EPHA6: variants seen among roughly 807,000 people sequenced by gnomAD.
EPHA6 encodes the protein ephrin type-A receptor 6.
EPHA6 carries 50 observed loss-of-function variants against 112.0 expected under a neutral mutation model. The ratio of observed to expected loss-of-function variants is 0.45; its 90% CI spans 0.36 to 0.56. The LOEUF (loss-of-function observed/expected upper bound fraction) is 0.56, where lower values mean the gene tolerates loss of function less well. Ranked by LOEUF, EPHA6 falls within the 20% of genes least tolerant of loss-of-function variation. The probability of loss-of-function intolerance (pLI) is 0.00; values close to 1 mark genes in which losing one functional copy is unlikely to be tolerated. For synonymous variants in EPHA6, 529 were observed against 490.7 expected (o/e 1.08, Z -1.03); for missense variants, 1,280 against 1,417.4 (o/e 0.90, Z 1.56).
intron 6 of EPHA6, among the ~76,000 whole-genome samples, chr3:97,441,962 A>G (rs1348814556): frequency 6.6e-6 from 1 of 152,170 alleles, no homozygotes; most frequent in Non-Finnish European, 1.5e-5. Context: ...TAAGTTTTGT[A>G]AGATAATTAA....
chr3:97,125,692 A>G (rs1277579653), intron 3 of EPHA6, among the ~76,000 whole-genome samples: 2 of 152,186 alleles, frequency 1.3e-5, no homozygotes, highest in Non-Finnish European at 2.9e-5. Flanking sequence ...TATTATGTGG[A>G]TAAATAAATG....
At chr3:97,036,951 C>T (rs1220489182) in intron 3 of EPHA6, among the ~76,000 whole-genome samples, 1 of 151,798 alleles carries the variant, frequency 6.6e-6, no homozygotes, top group African/African-American at 2.4e-5. Context: ...CTCGCCGACC[C>T]CTGGAGAATT....
chr3:96,850,057 G>T (rs528393855), intron 1 of EPHA6, among the ~76,000 whole-genome samples: 1 of 152,190 alleles, frequency 6.6e-6, no homozygotes, highest in African/African-American at 2.4e-5. Flanking sequence ...TTCCTGTATA[G>T]CTCATAGTTA....
chr3:97,116,160 C>G (rs1402589737), intron 3 of EPHA6, among the ~76,000 whole-genome samples: 4 of 151,668 alleles, frequency 2.6e-5, no homozygotes. Flanking sequence ...CTGGCTAATC[C>G]TAAATATTTT....
At chr3:97,503,727 A>G (rs1167855691) in intron 10 of EPHA6, among the ~76,000 whole-genome samples, 9 of 152,214 alleles carry the variant, frequency 5.9e-5, no homozygotes, top group Non-Finnish European at 8.8e-5. Context: ...TGATGGCATT[A>G]ATGACTGTCC....
At chr3:97,345,896 T>G (rs1285127463) in intron 5 of EPHA6, among the ~76,000 whole-genome samples, 2 of 152,116 alleles carry the variant, frequency 1.3e-5, no homozygotes, top group Non-Finnish European at 2.9e-5. Context: ...ATTCATAGAT[T>G]TTATTGCTGC....
At chr3:97,010,033 G>T in intron 3 of EPHA6, 1 of 1,283,342 alleles carries the variant, frequency 7.8e-7, no homozygotes. Flanking sequence ...CTTCTAGTTG[G>T]CCATCTTGGC....
At chr3:96,960,894 A>G (rs1457788855) in intron 2 of EPHA6, among the ~76,000 whole-genome samples, 1 of 152,162 alleles carries the variant, frequency 6.6e-6, no homozygotes, top group African/African-American at 2.4e-5. Context: ...TGTTTTACCT[A>G]CCTTCTATCC....
chr3:97,289,028 C>T (rs989003933), intron 5 of EPHA6, among the ~76,000 whole-genome samples: 2 of 144,382 alleles, frequency 1.4e-5, no homozygotes, highest in South Asian at 2.2e-4. Flanking sequence ...TTCTCCCATT[C>T]TGTATGTTGT....
intron 3 of EPHA6, among the ~76,000 whole-genome samples, chr3:97,202,534 A>G (rs902861125): frequency 2.4e-4 from 36 of 152,020 alleles, no homozygotes; most frequent in African/African-American, 7.5e-4. Context: ...GGGTTTTGCC[A>G]TGCTGGCCAG....
chr3:97,533,609 G>T (rs934892131), intron 11 of EPHA6, among the ~76,000 whole-genome samples: 2 of 151,974 alleles, frequency 1.3e-5, no homozygotes, highest in Non-Finnish European at 2.9e-5. Flanking sequence ...TATTGATTCT[G>T]GGCTTTTCTA....
At chr3:97,602,589 A>G (rs888145206) in intron 12 of EPHA6, among the ~76,000 whole-genome samples, 41 of 152,082 alleles carry the variant, frequency 2.7e-4, no homozygotes, top group African/African-American at 9.2e-4. Flanking sequence ...TCCTTAGGCA[A>G]GTTGCTTAAA....
At chr3:96,825,532 A>G (rs967242263) in intron 1 of EPHA6, among the ~76,000 whole-genome samples, 1 of 151,790 alleles carries the variant, frequency 6.6e-6, no homozygotes, top group African/African-American at 2.4e-5. Flanking sequence ...CTCTTTCCTA[A>G]CTGTATTAAA....
At position 97,332,121 on chromosome 3, in the gene EPHA6, G is replaced by A. The variant is rs541352523; in HGVS notation, c.1607-73029G>A. 2.6e-5 allele frequency among the ~76,000 whole-genome samples: 4 copies of A among 152,176 alleles called. No homozygotes were observed. In the East Asian group the frequency reaches 5.8e-4, roughly 22 times the overall value. The stretch of plus-strand genomic sequence containing the variant: ...GTTCAACATACACAAATCAATAAAC[G>A]TAATCCAGCATATAAACAGAACCAA... On this transcript the variant is annotated intron_variant, in intron 5 of 17. Transcript: ENST00000389672.
chr3:97,019,017 A>T (rs1234252695), intron 3 of EPHA6, among the ~76,000 whole-genome samples: 1 of 152,044 alleles, frequency 6.6e-6, no homozygotes, highest in Non-Finnish European at 1.5e-5. Context: ...CTCAGCTCCT[A>T]TCTCTGTATG....
At chr3:97,696,648 T>A (rs889541100) in intron 14 of EPHA6, among the ~76,000 whole-genome samples, 1 of 152,138 alleles carries the variant, frequency 6.6e-6, no homozygotes, top group Non-Finnish European at 1.5e-5. Flanking sequence ...AAGAATGTAT[T>A]CTTCTAGCAA....
At chr3:97,399,268 C>T (rs763646151) in intron 5 of EPHA6, among the ~76,000 whole-genome samples, 4 of 151,518 alleles carry the variant, frequency 2.6e-5, no homozygotes, top group Non-Finnish European at 4.4e-5. Context: ...CCATAAATGA[C>T]AGAAATTCAT....
intron 3 of EPHA6, among the ~76,000 whole-genome samples, chr3:97,031,997 C>A (rs1414039602): frequency 6.6e-6 from 1 of 152,106 alleles, no homozygotes; most frequent in Admixed American, 6.6e-5. Context: ...CACATGCACA[C>A]GTATGTTTAT....
At chr3:96,847,646 A>C (rs2035146462) in intron 1 of EPHA6, among the ~76,000 whole-genome samples, 1 of 152,146 alleles carries the variant, frequency 6.6e-6, no homozygotes, top group Admixed American at 6.6e-5. Context: ...TGTAATCTTT[A>C]AGAAGAGAAT....
Sources: allele counts gnomAD v4.1 joint callset (sites outside exome capture counted in the v4.1 genomes callset), GRCh38; gene constraint gnomAD v4.1.1; transcripts MANE v1.5; gene names NCBI Gene and HGNC (gene_info 2026-07-23, HGNC 2026-07-21).